Variants in KANSL1 observed in about 807,000 individuals in gnomAD.
KANSL1 encodes the protein KAT8 regulatory NSL complex subunit 1, also known as MLL1/MLL complex subunit KANSL1.
A neutral mutation model predicts 103.6 loss-of-function variants in KANSL1; 22 were observed. The observed-to-expected ratio is 0.21, with a 90% CI of 0.15 to 0.30. The LOEUF (loss-of-function observed/expected upper bound fraction) is 0.30. Ranked by LOEUF, KANSL1 falls within the 10% of genes least tolerant of loss-of-function variation. The probability of loss-of-function intolerance (pLI) is 1.00; values close to 1 mark genes in which losing one functional copy is unlikely to be tolerated. For synonymous variants in KANSL1, 600 were observed against 527.6 expected (o/e 1.14, Z -1.88); for missense variants, 1,337 against 1,399.8 (o/e 0.96, Z 0.72).
chr17:46,185,974 GGA>G (rs2047012652), intron 1 of KANSL1, among the ~76,000 whole-genome samples: 3 of 145,404 alleles, frequency 2.1e-5, no homozygotes, highest in African/African-American at 7.5e-5. Context: ...AAAAGACAGA[GGA>G]AAAAAAAATC....
chr17:46,087,184 CTCT>C (rs1444309056), intron 3 of KANSL1, among the ~76,000 whole-genome samples: 2 of 152,198 alleles, frequency 1.3e-5, no homozygotes, highest in Non-Finnish European at 2.9e-5. Flanking sequence ...AAGAATGGAA[CTCT>C]TCTTCATTTG....
intron 2 of KANSL1, among the ~76,000 whole-genome samples, chr17:46,142,500 T>C (rs1358762110): frequency 6.6e-6 from 1 of 152,198 alleles, no homozygotes; most frequent in Non-Finnish European, 1.5e-5. Context: ...TGCACTCCTG[T>C]GGTCCCAGCT....
chr17:46,140,547 T>G (rs2044368824), intron 2 of KANSL1, among the ~76,000 whole-genome samples: 1 of 151,902 alleles, frequency 6.6e-6, no homozygotes, highest in South Asian at 2.1e-4. Flanking sequence ...AAACATAAAT[T>G]GGACTATATC....
At chr17:46,115,658 G>T (rs1420907140) in intron 2 of KANSL1, among the ~76,000 whole-genome samples, 1 of 152,200 alleles carries the variant, frequency 6.6e-6, no homozygotes, top group African/African-American at 2.4e-5. Flanking sequence ...ATGAAAAACA[G>T]TTTATTTATA....
intron 2 of KANSL1, among the ~76,000 whole-genome samples, chr17:46,146,129 C>T (rs1039429879): frequency 1.3e-5 from 2 of 152,188 alleles, no homozygotes; most frequent in Admixed American, 6.5e-5. Context: ...TCCATACAAC[C>T]CCTCAGTAAG....
At chr17:46,177,868 C>A (rs546387319) in intron 1 of KANSL1, among the ~76,000 whole-genome samples, 1 of 152,260 alleles carries the variant, frequency 6.6e-6, no homozygotes, top group Admixed American at 6.5e-5. Context: ...AGCTCCACCT[C>A]CCGGGTTCAC....
At chr17:46,149,059 G>A (rs1311577133) in intron 2 of KANSL1, among the ~76,000 whole-genome samples, 2 of 145,198 alleles carry the variant, frequency 1.4e-5, no homozygotes, top group African/African-American at 2.6e-5. Context: ...CTGGAGTGCA[G>A]TGGCATGATC....
At chr17:46,133,814 C>T (rs1161165984) in intron 2 of KANSL1, among the ~76,000 whole-genome samples, 1 of 152,094 alleles carries the variant, frequency 6.6e-6, no homozygotes, top group Non-Finnish European at 1.5e-5. Context: ...ACTTCAGTTG[C>T]AATATAAAAT....
At chr17:46,175,963 T>C (rs2046500252) in intron 1 of KANSL1, among the ~76,000 whole-genome samples, 1 of 152,260 alleles carries the variant, frequency 6.6e-6, no homozygotes, top group South Asian at 2.1e-4. Flanking sequence ...TGAGTCACTT[T>C]TATAATATGC....
At chr17:46,186,084 T>C (rs1358603038) in intron 1 of KANSL1, among the ~76,000 whole-genome samples, 1 of 151,946 alleles carries the variant, frequency 6.6e-6, no homozygotes, top group Non-Finnish European at 1.5e-5. Context: ...ATTTTAAGAA[T>C]TCTAAAGGAG....
chr17:46,178,102 T>C (rs1026555177), intron 1 of KANSL1, among the ~76,000 whole-genome samples: 1 of 152,084 alleles, frequency 6.6e-6, no homozygotes, highest in Admixed American at 6.5e-5. Flanking sequence ...AAATTTAATA[T>C]ACAGAGCAAA....
intron 1 of KANSL1, among the ~76,000 whole-genome samples, chr17:46,172,832 T>C (rs2046352926): frequency 6.6e-6 from 1 of 152,360 alleles, no homozygotes; most frequent in Non-Finnish European, 1.5e-5. Context: ...TGGTCATCAA[T>C]ATCTTCTCTA....
intron 2 of KANSL1, among the ~76,000 whole-genome samples, chr17:46,146,415 T>C (rs901842355): frequency 5.3e-5 from 8 of 152,172 alleles, no homozygotes; most frequent in Admixed American, 2.6e-4. Context: ...AGTCTTATGA[T>C]AGTCCAGGGC....
chr17:46,188,377 G>A (rs2147889637), intron 1 of KANSL1, among the ~76,000 whole-genome samples: 1 of 152,306 alleles, frequency 6.6e-6, no homozygotes, highest in East Asian at 1.9e-4. Flanking sequence ...ACAACTTTTA[G>A]TATGCCCAGA....
At chr17:46,089,398 CT>C (rs377351806) in intron 3 of KANSL1, among the ~76,000 whole-genome samples, 350 of 145,024 alleles carry the variant, frequency 2.4e-3, no homozygotes, top group Admixed American at 2.1e-3. Flanking sequence ...GTCACAAATA[CT>C]TTTTTTTTTT....
Position 46,171,225 on chromosome 17 carries a change from C to T in KANSL1, c.919G>A (p.Val307Ile), listed in dbSNP as rs1201773079. 3 of 1,614,122 alleles carry T rather than the reference C, an allele frequency of 1.9e-6. No individual in the cohort carries two copies. In the South Asian group the frequency reaches 3.3e-5, roughly 18 times the overall value. The change falls in exon 2 of 15, where the codon GTT becomes ATT. Residue 307 changes from valine (V) to isoleucine (I), a missense_variant. Physicochemically the swap from Val to Ile is conservative, Grantham distance 29. Transcript: ENST00000432791. ...CTCTCAACCTGCTTGGCTTGCACAA[C>T]CTGTAAGCGCTTTTGTAATCTGCGG... is the stretch of plus-strand genomic sequence containing the variant. ...RARRLQKRLQ[V>I]VQAKQVERHI...
chr17:46,038,203 C>A (rs11079729), intron 10 of KANSL1: 37,016 of 253,764 alleles, frequency 0.15, 3,770 homozygotes, highest in Middle Eastern at 0.2. Flanking sequence ...AGGATTAGGG[C>A]CACGGAACTG....
At chr17:46,163,616 A>C (rs929927301) in intron 2 of KANSL1, among the ~76,000 whole-genome samples, 10 of 152,200 alleles carry the variant, frequency 6.6e-5, no homozygotes, top group African/African-American at 9.7e-5. Flanking sequence ...GACTCTCATG[A>C]GCTCTTAAGA....
chr17:46,155,339 G>C (rs2045362908), intron 2 of KANSL1, among the ~76,000 whole-genome samples: 1 of 151,948 alleles, frequency 6.6e-6, no homozygotes, highest in African/African-American at 2.4e-5. Flanking sequence ...TCTATTTTTA[G>C]TAGAGACAGG....
Sources: gnomAD v4.1 joint callset for allele counts (sites outside exome capture counted in the v4.1 genomes callset) on GRCh38, gnomAD v4.1.1 for gene constraint, MANE v1.5 for transcripts, NCBI Gene and HGNC (gene_info 2026-07-23, HGNC 2026-07-21) for gene names.